The following BPTF variants were observed in gnomAD, a reference collection of about 807,000 sequenced individuals.
BPTF encodes bromodomain PHD finger transcription factor.
In BPTF, 18 loss-of-function variants were observed where a neutral mutation model predicts 292.5. The observed-to-expected ratio is 0.06, with a 90% confidence interval of 0.04 to 0.09. The LOEUF (loss-of-function observed/expected upper bound fraction) is 0.09. Ranked by LOEUF, BPTF falls within the 10% of genes least tolerant of loss-of-function variation. The probability of loss-of-function intolerance (pLI) is 1.00; values close to 1 mark genes in which losing one functional copy is unlikely to be tolerated. For synonymous variants in BPTF, 1,225 were observed against 1,251.9 expected (o/e 0.98, Z 0.45); for missense variants, 2,726 against 3,498.7 (o/e 0.78, Z 5.57).
chr17:67,951,270 C>G (rs1341146824), intron 23 of BPTF: 5 of 152,084 alleles, frequency 3.3e-5, no homozygotes, highest in African/African-American at 1.2e-4. Context: ...TCCTGAGGCT[C>G]TCTAGGAGCC....
At chr17:67,921,364 A>C (rs1169041637) in intron 13 of BPTF, among the ~76,000 whole-genome samples, 1 of 151,762 alleles carries the variant, frequency 6.6e-6, no homozygotes, top group African/African-American at 2.4e-5. Flanking sequence ...ATCTCTACTA[A>C]AAATACAAAA....
Position 67,911,129 on chromosome 17 carries a change from T to A in BPTF, c.3245T>A (p.Ile1082Asn). 6.2e-7 allele frequency: 1 copy of A among 1,613,874 alleles called. No homozygotes were observed. The highest frequency in any genetic ancestry group is 8.5e-7 in the Non-Finnish European group (1 of 1,179,990). Residue 1082 changes from isoleucine to asparagine, a missense_variant, in exon 11 of 28, where the codon ATC (isoleucine) becomes AAC (asparagine). By Grantham distance (149) the Ile-to-Asn change is moderately radical (BLOSUM62 -3). Coordinates refer to ENST00000306378, the MANE Select transcript of BPTF (RefSeq NM_182641.4). ...TLEEKQRLEKIKLEGGIKGIG... is the reference protein window; with the variant it reads ...TLEEKQRLEKNKLEGGIKGIG... ...GAAGAAAAACAGCGACTCGAAAAAA[T>A]CAAGTTGGAGGGTGGAATTAAGGGT...
At chr17:67,955,011 C>T (rs115780161) in intron 23 of BPTF, among the ~76,000 whole-genome samples, 1,728 of 152,118 alleles carry the variant, frequency 0.011, 29 homozygotes, top group African/African-American at 0.039. Flanking sequence ...AAGCTTTGGC[C>T]GGGTACGGTG....
intron 7 of BPTF, among the ~76,000 whole-genome samples, chr17:67,895,496 C>T (rs1019773552): frequency 7.0e-6 from 1 of 143,350 alleles, no homozygotes; most frequent in East Asian, 2.1e-4. Flanking sequence ...CAGGATCTCA[C>T]TGTCACCCAG....
intron 1 of BPTF, among the ~76,000 whole-genome samples, chr17:67,843,833 G>A (rs969758462): frequency 3.8e-5 from 5 of 133,178 alleles, no homozygotes; most frequent in East Asian, 2.2e-4. Context: ...TGGCGCAATC[G>A]TGGCTCACTG....
intron 2 of BPTF, among the ~76,000 whole-genome samples, chr17:67,862,669 C>T (rs7209574): frequency 1.8e-3 from 275 of 152,042 alleles, no homozygotes; most frequent in African/African-American, 6.4e-3. Flanking sequence ...TAACAAAGTA[C>T]TATACCAAAA....
At chr17:67,853,782 A>C (rs1259507718) in intron 1 of BPTF, among the ~76,000 whole-genome samples, 158 bp from the exon 2 acceptor site, 2 of 152,144 alleles carry the variant, frequency 1.3e-5, no homozygotes, top group Admixed American at 6.5e-5. Flanking sequence ...TATAGATTTA[A>C]AAATTAGAGC....
chr17:67,877,578 T>TA (rs987267936), intron 4 of BPTF, among the ~76,000 whole-genome samples: 9 of 152,262 alleles, frequency 5.9e-5, no homozygotes, highest in Non-Finnish European at 1.3e-4. Context: ...CGACAAAAGA[T>TA]AACTGTCAGA....
chr17:67,961,672 C>A (rs782070597), intron 24 of BPTF, among the ~76,000 whole-genome samples: 1 of 152,096 alleles, frequency 6.6e-6, no homozygotes, highest in Non-Finnish European at 1.5e-5. Context: ...CATAGAGAGA[C>A]CCCGTCTGTA....
At chr17:67,980,978 G>A (rs1300471473) in intron 27 of BPTF, among the ~76,000 whole-genome samples, 1 of 152,052 alleles carries the variant, frequency 6.6e-6, no homozygotes, top group Non-Finnish European at 1.5e-5. Context: ...GGCAACATGG[G>A]GAAACCCCAT....
At chr17:67,844,022 C>T (rs1326394083) in intron 1 of BPTF, among the ~76,000 whole-genome samples, 1 of 150,442 alleles carries the variant, frequency 6.6e-6, no homozygotes, top group Non-Finnish European at 1.5e-5. Context: ...ACCTCAGCCT[C>T]CCAAAGTGCT....
At chr17:67,839,426 A>G (rs984418708) in intron 1 of BPTF, among the ~76,000 whole-genome samples, 1 of 152,194 alleles carries the variant, frequency 6.6e-6, no homozygotes, top group Non-Finnish European at 1.5e-5. Context: ...TGCAAGCTAC[A>G]TATTAATTAC....
At chr17:67,893,343 A>T (rs1193173061) in intron 5 of BPTF, 27 bp from the exon 6 acceptor site, 1 of 1,330,678 alleles carries the variant, frequency 7.5e-7, no homozygotes, top group African/African-American at 1.5e-5. Context: ...GACATAAATA[A>T]TGCAGTCTTT....
chr17:67,928,271 A>G, intron 15 of BPTF, 84 bp from the exon 16 acceptor site: 5 of 1,396,408 alleles, frequency 3.6e-6, no homozygotes, highest in South Asian at 1.5e-5. Context: ...AGGTGAGAGA[A>G]ATTGTGGACA....
chr17:67,840,044 T>A (rs987970484), intron 1 of BPTF, among the ~76,000 whole-genome samples: 3 of 152,072 alleles, frequency 2.0e-5, no homozygotes, highest in African/African-American at 7.2e-5. Context: ...GTTCTGAGCC[T>A]CCTTTTATGT....
At position 67,931,956 on chromosome 17, in the gene BPTF, A is replaced by G; in HGVS notation, c.6196A>G (p.Thr2066Ala). Reference protein sequence around the residue: ...QIRPGMTVIRTPLQQSTLGKA... With the variant: ...QIRPGMTVIRAPLQQSTLGKA... ...TCGCCCTGGTATGACCGTGATTAGA[A>G]CACCACTCCAACAGTCAACACTAGG... Residue 2066 changes from threonine (T) to alanine (A), a missense_variant, in exon 18 of 28, where the codon ACA becomes GCA. Around this residue, in one of 22 missense-constraint regions of BPTF, gnomAD observed 570 missense variants for 633.5 expected, o/e 0.90. Transcript: ENST00000306378. The G allele has an allele frequency of 6.2e-7, 1 of 1,614,100 alleles. No homozygotes were observed. The highest frequency in any genetic ancestry group is 2.2e-5 in the East Asian group (1 of 44,872).
intron 3 of BPTF, among the ~76,000 whole-genome samples, chr17:67,870,001 CAAAAAAAA>C (rs59327152): frequency 1.7e-5 from 1 of 59,194 alleles, no homozygotes; most frequent in East Asian, 4.1e-4. Flanking sequence ...GACTCCGTCT[CAAAAAAAA>C]AAAAAAAAAA....
chr17:67,982,444 C>A lies in BPTF; in HGVS notation c.*156C>A. 1 of 527,192 alleles carries A rather than the reference C, an allele frequency of 1.9e-6. No individual in the cohort carries two copies. The highest frequency in any genetic ancestry group is 3.2e-6 in the Non-Finnish European group (1 of 314,272). The allele number at this position is 527,192 out of a possible 1,614,324, so 32.7% of individuals were successfully genotyped here. On this transcript the variant is annotated 3_prime_UTR_variant, in exon 28 of 28. Coordinates refer to ENST00000306378, the MANE Select transcript of BPTF (RefSeq NM_182641.4). ...CATAACAGTCCAATTATATTCTTGG[C>A]CAATTTTGTCCAACGGACAAGAAAA...
intron 15 of BPTF, among the ~76,000 whole-genome samples, chr17:67,925,321 T>G (rs2063780769): frequency 6.6e-6 from 1 of 152,160 alleles, no homozygotes; most frequent in South Asian, 2.1e-4. Flanking sequence ...TTTGTTGTAA[T>G]TGATTATTAT....
Sources: gnomAD v4.1 joint callset for allele counts (sites outside exome capture counted in the v4.1 genomes callset) on GRCh38, gnomAD v4.1.1 for gene constraint, gnomAD v4.1.1 regional missense constraint, MANE v1.5 for transcripts, NCBI Gene and HGNC (gene_info 2026-07-23, HGNC 2026-07-21) for gene names.